BLTP3A: variants seen among roughly 807,000 people sequenced by gnomAD.
The protein encoded by BLTP3A is ICBP90 binding protein 1.
At chr6:34,821,746 A>G in the BLTP3A span, 3 of 1,614,160 alleles carry the variant, frequency 1.9e-6, no homozygotes, top group East Asian at 6.7e-5. Context: ...AAGAGGTTCT[A>G]CAGAATGTAC....
At chr6:34,867,669 A>G in the BLTP3A span, 1 of 1,571,280 alleles carries the variant, frequency 6.4e-7, no homozygotes, top group Non-Finnish European at 8.6e-7. Flanking sequence ...TAGGACAGCC[A>G]TAGATTAACT....
At chr6:34,867,720 T>C in the BLTP3A span, 1 of 1,400,910 alleles carries the variant, frequency 7.1e-7, no homozygotes, top group Non-Finnish European at 9.4e-7. Context: ...ACTCTACTAG[T>C]GCCAAGTTCT....
At chr6:34,853,280 G>A in the BLTP3A span, among the ~76,000 whole-genome samples, 1 of 152,072 alleles carries the variant, frequency 6.6e-6, no homozygotes, top group Non-Finnish European at 1.5e-5. Flanking sequence ...AGGCTCAGGG[G>A]ATCCTCCTGC....
the BLTP3A span, among the ~76,000 whole-genome samples, chr6:34,805,735 CAAA>C: frequency 0.036 from 2,625 of 73,612 alleles, 34 homozygotes; most frequent in African/African-American, 0.07. Flanking sequence ...GACCCTATCT[CAAA>C]AAAAAAAAAA....
At chr6:34,860,260 G>A in the BLTP3A span, among the ~76,000 whole-genome samples, 19 of 152,162 alleles carry the variant, frequency 1.2e-4, no homozygotes, top group African/African-American at 3.9e-4. Flanking sequence ...TGTGTTAAGC[G>A]CCAGAGATAG....
chr6:34,823,539 G>GTTT, the BLTP3A span, among the ~76,000 whole-genome samples: 3 of 134,112 alleles, frequency 2.2e-5, no homozygotes, highest in Non-Finnish European at 3.2e-5. Flanking sequence ...TTCTTCTTCT[G>GTTT]TTTTTTTTTT....
chr6:34,864,308 C>T, the BLTP3A span: 3 of 1,114,300 alleles, frequency 2.7e-6, no homozygotes, highest in Non-Finnish European at 3.8e-6. Context: ...ATAATATAGA[C>T]ATTTTCTTAA....
At chr6:34,859,546 A>G in the BLTP3A span, 1 of 1,613,986 alleles carries the variant, frequency 6.2e-7, no homozygotes, top group South Asian at 1.1e-5. Context: ...CACCATGCAC[A>G]AGATGTTGTC....
At chr6:34,805,730 T>C in the BLTP3A span, among the ~76,000 whole-genome samples, 1 of 93,894 alleles carries the variant, frequency 1.1e-5, no homozygotes. Context: ...AGCAAGACCC[T>C]ATCTCAAAAA....
At chr6:34,804,844 G>A in the BLTP3A span, among the ~76,000 whole-genome samples, 1 of 152,142 alleles carries the variant, frequency 6.6e-6, no homozygotes, top group South Asian at 2.1e-4. Context: ...AGGTTCTTGA[G>A]CCAGACTGCC....
the BLTP3A span, chr6:34,792,121 C>G: frequency 1.6e-6 from 1 of 642,082 alleles, no homozygotes; most frequent in Non-Finnish European, 2.1e-6. Context: ...GGCGAGAAAG[C>G]GCCATGGCGG....
At chr6:34,869,298 G>A in the BLTP3A span, among the ~76,000 whole-genome samples, 1 of 151,920 alleles carries the variant, frequency 6.6e-6, no homozygotes, top group Non-Finnish European at 1.5e-5. Context: ...CACCATGCCT[G>A]GCCCCACCAC....
At chr6:34,803,793 G>T in the BLTP3A span, among the ~76,000 whole-genome samples, 1 of 152,016 alleles carries the variant, frequency 6.6e-6, no homozygotes, top group East Asian at 1.9e-4. Context: ...CTAATATGTA[G>T]AAAATCCGAG....
chr6:34,847,921 CTTTTTTTTTTTTT>C, the BLTP3A span, among the ~76,000 whole-genome samples: 4 of 91,154 alleles, frequency 4.4e-5, no homozygotes, highest in East Asian at 1.2e-3. Flanking sequence ...TCTTTTTTTC[CTTTTTTTTTTTTT>C]TTTTTTGAGA....
the BLTP3A span, among the ~76,000 whole-genome samples, chr6:34,832,689 G>A: frequency 6.6e-6 from 1 of 151,812 alleles, no homozygotes; most frequent in African/African-American, 2.4e-5. Context: ...GGGCTCAAAT[G>A]ATCCTCCACC....
the BLTP3A span, among the ~76,000 whole-genome samples, chr6:34,850,353 T>C: frequency 6.6e-6 from 1 of 152,192 alleles, no homozygotes; most frequent in African/African-American, 2.4e-5. Context: ...GGATTAAATA[T>C]GCTTGTATTC....
At chr6:34,801,412 G>C in the BLTP3A span, among the ~76,000 whole-genome samples, 1 of 151,998 alleles carries the variant, frequency 6.6e-6, no homozygotes, top group East Asian at 1.9e-4. Context: ...CTGGGGAGAG[G>C]GGGGAAAAGT....
the BLTP3A span, among the ~76,000 whole-genome samples, chr6:34,804,607 T>G: frequency 6.6e-6 from 1 of 152,070 alleles, no homozygotes; most frequent in Non-Finnish European, 1.5e-5. Flanking sequence ...CACTTGAATG[T>G]AGGGTTTGAG....
At chr6:34,818,216 G>C in the BLTP3A span, among the ~76,000 whole-genome samples, 1 of 152,136 alleles carries the variant, frequency 6.6e-6, no homozygotes, top group African/African-American at 2.4e-5. Flanking sequence ...CATCTGTAAT[G>C]CCAGCACATT....
Sources: allele counts gnomAD v4.1 joint callset (sites outside exome capture counted in the v4.1 genomes callset), GRCh38; gene constraint gnomAD v4.1.1; transcripts MANE v1.5; gene names NCBI Gene and HGNC (gene_info 2026-07-23, HGNC 2026-07-21).